KAZN: variants seen among roughly 807,000 people sequenced by gnomAD.
KAZN encodes the protein kazrin, periplakin interacting protein.
In KAZN, 40 loss-of-function variants were observed where a neutral mutation model predicts 87.4. That is an observed-to-expected ratio of 0.46 (90% CI 0.36 to 0.60). KAZN has a LOEUF of 0.60. Ranked by LOEUF, KAZN falls within the 20% of genes least tolerant of loss-of-function variation. The probability of loss-of-function intolerance (pLI) is 0.00; values close to 1 mark genes in which losing one functional copy is unlikely to be tolerated. For missense variants in KAZN, 898 were observed against 1,073.9 expected, an observed-to-expected ratio of 0.84 and a Z score of 2.29; for synonymous variants, 466 against 458.3, an observed-to-expected ratio of 1.02 and a Z score of -0.22.
chr1:14,045,613 A>C (rs1475534470), intron 1 of KAZN, among the ~76,000 whole-genome samples: 1 of 152,218 alleles, frequency 6.6e-6, no homozygotes, highest in African/African-American at 2.4e-5. Flanking sequence ...AATTTGATGG[A>C]TTCTCAGGGA....
intron 2 of KAZN, among the ~76,000 whole-genome samples, chr1:14,436,294 C>CA (rs1264273216): frequency 1.3e-5 from 2 of 151,972 alleles, no homozygotes; most frequent in Non-Finnish European, 2.9e-5. Flanking sequence ...CACAGTCACT[C>CA]AGGCAGGAAG....
chr1:14,083,234 A>C (rs1046713581), intron 1 of KAZN, among the ~76,000 whole-genome samples: 1 of 152,214 alleles, frequency 6.6e-6, no homozygotes, highest in African/African-American at 2.4e-5. Flanking sequence ...CTGTACATAG[A>C]GCACTTTCTC....
At chr1:15,018,286 T>G (rs1439281184) in intron 2 of KAZN, among the ~76,000 whole-genome samples, 1 of 152,204 alleles carries the variant, frequency 6.6e-6, no homozygotes, top group Non-Finnish European at 1.5e-5. Flanking sequence ...TATCTGAGAA[T>G]GGCGGTCTAA....
At chr1:14,995,625 A>G (rs1006156677) in intron 2 of KAZN, among the ~76,000 whole-genome samples, 2 of 141,972 alleles carry the variant, frequency 1.4e-5, no homozygotes, top group African/African-American at 5.3e-5. Context: ...CTCCACCTCA[A>G]ATAAAAAAAA....
At chr1:13,932,008 ATTTTTTTTT>A (rs35231877) in intron 1 of KAZN, among the ~76,000 whole-genome samples, 2 of 122,920 alleles carry the variant, frequency 1.6e-5, no homozygotes, top group Admixed American at 8.5e-5. Context: ...GGCTTGGCTA[ATTTTTTTTT>A]TTTTTTTTTT....
chr1:14,149,069 T>G (rs2359947), intron 1 of KAZN, among the ~76,000 whole-genome samples: 98,764 of 106,872 alleles, frequency 0.92, 45,379 homozygotes, highest in East Asian at 0.95. Context: ...CTGCCTTCCT[T>G]CCTTCCTTCC....
chr1:14,410,276 G>T (rs968181307), intron 2 of KAZN, among the ~76,000 whole-genome samples: 1 of 152,104 alleles, frequency 6.6e-6, no homozygotes, highest in South Asian at 2.1e-4. Context: ...GCTAATCTTT[G>T]TATTTTTAGT....
At chr1:13,921,940 T>A (rs946286179) in intron 1 of KAZN, among the ~76,000 whole-genome samples, 1 of 152,158 alleles carries the variant, frequency 6.6e-6, no homozygotes. Context: ...CCCAGTTGTT[T>A]GCATTTTTAT....
intron 2 of KAZN, among the ~76,000 whole-genome samples, chr1:14,403,638 A>G (rs147001602): frequency 0.011 from 1,645 of 152,308 alleles, 15 homozygotes; most frequent in Non-Finnish European, 0.019. Context: ...GAAAAGAAAT[A>G]TGAAATGGCC....
At chr1:14,154,754 T>C (rs1173142141) in intron 1 of KAZN, among the ~76,000 whole-genome samples, 1 of 152,266 alleles carries the variant, frequency 6.6e-6, no homozygotes, top group African/African-American at 2.4e-5. Flanking sequence ...GAAATAATTA[T>C]ATGGTTTTTG....
chr1:14,208,965 T>C (rs1041638306), intron 2 of KAZN, among the ~76,000 whole-genome samples: 20 of 152,228 alleles, frequency 1.3e-4, no homozygotes, highest in Admixed American at 1.2e-3. Flanking sequence ...GGAACTATGA[T>C]GAGAATTGAA....
chr1:14,392,374 T>TC (rs745991815), intron 2 of KAZN, among the ~76,000 whole-genome samples: 5 of 152,132 alleles, frequency 3.3e-5, no homozygotes, highest in Non-Finnish European at 5.9e-5. Flanking sequence ...AGTGGTGCCT[T>TC]CCCTTGATTG....
At chr1:14,661,207 A>T (rs552458846) in intron 1 of KAZN, among the ~76,000 whole-genome samples, 3 of 152,328 alleles carry the variant, frequency 2.0e-5, no homozygotes, top group African/African-American at 7.2e-5. Flanking sequence ...GGAAAGGGTG[A>T]TGTTACTTGC....
At chr1:14,879,912 G>A (rs761921325) in intron 1 of KAZN, among the ~76,000 whole-genome samples, 10 of 152,102 alleles carry the variant, frequency 6.6e-5, no homozygotes, top group Non-Finnish European at 1.5e-4. Flanking sequence ...ACGTCATAAG[G>A]GGGCTATGAC....
chr1:14,078,115 C>T (rs1337379378), intron 1 of KAZN, among the ~76,000 whole-genome samples: 4 of 152,148 alleles, frequency 2.6e-5, no homozygotes, highest in Non-Finnish European at 4.4e-5. Flanking sequence ...TATTCTTGCA[C>T]CTTCTGTATT....
intron 1 of KAZN, among the ~76,000 whole-genome samples, chr1:13,998,623 A>AT (rs908491132): frequency 6.6e-6 from 1 of 152,054 alleles, no homozygotes; most frequent in African/African-American, 2.4e-5. Context: ...AAAAAAAAAA[A>AT]AGAAGGGTAA....
At chr1:14,998,722 T>C (rs1453435922) in intron 2 of KAZN, among the ~76,000 whole-genome samples, 3 of 152,080 alleles carry the variant, frequency 2.0e-5, no homozygotes, top group African/African-American at 7.2e-5. Context: ...CTAATTTTTG[T>C]ATTTTTAGTA....
At chr1:14,736,261 G>T (rs1488503400) in intron 1 of KAZN, among the ~76,000 whole-genome samples, 1 of 92,924 alleles carries the variant, frequency 1.1e-5, no homozygotes, top group Non-Finnish European at 2.2e-5. Flanking sequence ...AAGGGTGTGT[G>T]TGTGTGTGTG....
intron 2 of KAZN, among the ~76,000 whole-genome samples, chr1:14,592,424 T>A (rs1278557292): frequency 6.6e-6 from 1 of 152,190 alleles, no homozygotes; most frequent in Admixed American, 6.5e-5. Context: ...AGTCTCCAAC[T>A]TCATGACGCA....
Sources: gnomAD v4.1 joint callset for allele counts (sites outside exome capture counted in the v4.1 genomes callset) on GRCh38, gnomAD v4.1.1 for gene constraint, MANE v1.5 for transcripts, NCBI Gene and HGNC (gene_info 2026-07-23, HGNC 2026-07-21) for gene names.